The following EXTL2 variants were observed in gnomAD, a reference collection of about 807,000 sequenced individuals.
EXTL2 encodes exostosin-like 2.
In EXTL2, 23 loss-of-function variants were observed where a neutral mutation model predicts 30.7. The ratio of observed to expected loss-of-function variants is 0.75; its 90% CI spans 0.54 to 1.06. EXTL2 has a LOEUF of 1.06. Ranked by LOEUF, EXTL2 falls within the 50% of genes least tolerant of loss-of-function variation. The pLI is 0.00. For missense variants in EXTL2, 352 were observed against 396.3 expected, an observed-to-expected ratio of 0.89 and a Z score of 0.95; for synonymous variants, 123 against 133.8, an observed-to-expected ratio of 0.92 and a Z score of 0.56.
chr1:100,887,945 C>T (rs1350047808), intron 2 of EXTL2, among the ~76,000 whole-genome samples: 2 of 151,984 alleles, frequency 1.3e-5, no homozygotes, highest in Non-Finnish European at 2.9e-5. Flanking sequence ...GTGATCCGCC[C>T]GCTTTGGCCT....
chr1:100,884,059 C>T (rs1649772638), intron 2 of EXTL2, among the ~76,000 whole-genome samples: 1 of 152,136 alleles, frequency 6.6e-6, no homozygotes, highest in Non-Finnish European at 1.5e-5. Context: ...AGGCTAGTTC[C>T]TTCAGACTGG....
intron 2 of EXTL2, among the ~76,000 whole-genome samples, chr1:100,882,320 T>C (rs986680072): frequency 6.6e-6 from 1 of 152,354 alleles, no homozygotes; most frequent in South Asian, 2.1e-4. Context: ...CTAAATATCC[T>C]GCGATGCACA....
chr1:100,889,710 G>A (rs143963916), intron 1 of EXTL2, among the ~76,000 whole-genome samples: 102 of 152,338 alleles, frequency 6.7e-4, no homozygotes, highest in African/African-American at 2.4e-3. Context: ...GAAATCCAGT[G>A]GGGCGGTCAT....
chr1:100,883,588 T>C (rs1291880045), intron 2 of EXTL2, among the ~76,000 whole-genome samples: 1 of 152,250 alleles, frequency 6.6e-6, no homozygotes, highest in Admixed American at 6.5e-5. Flanking sequence ...GTACCTCATT[T>C]TTTTTGTTGC....
chr1:100,876,679 T>C, intron 4 of EXTL2, 115 bp downstream of exon 4: 1 of 643,610 alleles, frequency 1.6e-6, no homozygotes. Flanking sequence ...ATCCATCTTT[T>C]AGATAAATAT....
chr1:100,877,830 G>A lies in EXTL2; in HGVS notation c.79C>T (p.Leu27Phe), dbSNP rs774090115. 3.7e-6 allele frequency: 6 copies of A among 1,603,210 alleles called. No homozygotes were observed. In the Admixed American group the frequency reaches 6.7e-5, roughly 18 times the overall value. Residue 27 changes from leucine (L) to phenylalanine (F), a missense_variant, in exon 3 of 5, where the codon CTC (leucine) becomes TTC (phenylalanine). Coordinates refer to ENST00000370114, the MANE Select transcript of EXTL2 (RefSeq NM_001033025.3). The surrounding 1 kb of genome is among the most constrained non-coding windows in gnomAD (Gnocchi z 4.1). ...RVLRLSLVVILVLLLVAGALT... is the reference protein window; with the variant it reads ...RVLRLSLVVIFVLLLVAGALT... ...GCACCAGCTACCAGTAATAATACGAGGATGACCACCAAAGATAATCGAAGC... is the reference window on the plus strand; with the variant it reads ...GCACCAGCTACCAGTAATAATACGAAGATGACCACCAAAGATAATCGAAGC...
rs373517839 is a variant in EXTL2 at position 100,877,954 on chromosome 1, C to G, written c.6-51G>C. The G allele has an allele frequency of 7.2e-7, 1 of 1,383,884 alleles. No homozygotes were observed. The highest frequency in any genetic ancestry group is 9.8e-7 in the Non-Finnish European group (1 of 1,020,222). The allele number at this position is 1,383,884 out of a possible 1,614,324, so 85.7% of individuals were successfully genotyped here. A position where few individuals can be genotyped will look rare whatever the true frequency, so the allele number is the denominator to read the frequency against. The stretch of plus-strand genomic sequence containing the variant: ...CAAATGTTAGCATTCTTACGAGTCC[C>G]TGTGTTTTCATGTTTTTTTCCAATG... On this transcript the variant is annotated intron_variant, in intron 2 of 4. Transcript: ENST00000370114. The surrounding 1 kb of genome is among the most constrained non-coding windows in gnomAD (Gnocchi z 4.1).
intron 1 of EXTL2, among the ~76,000 whole-genome samples, chr1:100,890,640 C>G (rs1375083785): frequency 6.6e-6 from 1 of 152,204 alleles, no homozygotes; most frequent in Non-Finnish European, 1.5e-5. Context: ...CAAAATGCCA[C>G]CAGCCTCTTT....
chr1:100,877,879 AG>A lies in EXTL2; in HGVS notation c.29del (p.Pro10LeufsTer4). 1 of 1,598,356 alleles carries A rather than the reference AG, an allele frequency of 6.3e-7. No individual in the cohort carries two copies. Among genetic ancestry groups the A allele is most frequent in the Non-Finnish European group, 8.5e-7 (1 of 1,178,882 alleles). ...GCACTCGAATCCCCATTACTCTCCCAGGAAGTTTGCAGATGTGGCAACACCT... is the reference window on the plus strand; with the variant it reads ...GCACTCGAATCCCCATTACTCTCCCAGAAGTTTGCAGATGTGGCAACACCT... The part of the protein sequence containing the change: MRCCHICKL[P>X]GRVMGIRVLR... On this transcript the variant is annotated frameshift_variant, in exon 3 of 5. Coordinates refer to ENST00000370114, the MANE Select transcript of EXTL2 (RefSeq NM_001033025.3). LOFTEE classifies it high-confidence loss of function. This position sits in a 1 kb window ranked among gnomAD's most constrained non-coding sequence, Gnocchi z 4.1.
chr1:100,878,246 A>AC, intron 2 of EXTL2: 1 of 321,792 alleles, frequency 3.1e-6, no homozygotes, highest in Non-Finnish European at 6.1e-6. Flanking sequence ...GTAATATATT[A>AC]ATTTCGAATC....
At chr1:100,888,699 T>A in intron 2 of EXTL2, 54 bp downstream of exon 2, 1 of 961,794 alleles carries the variant, frequency 1.0e-6, no homozygotes. Context: ...ATAAATTTTG[T>A]GTTATACGTA....
chr1:100,892,939 T>C (rs1650549421), intron 1 of EXTL2, among the ~76,000 whole-genome samples: 1 of 152,194 alleles, frequency 6.6e-6, no homozygotes, highest in Admixed American at 6.5e-5. Context: ...ATAGCATCTT[T>C]CCTATTCCTT....
At chr1:100,876,662 C>T (rs1460545244) in intron 4 of EXTL2, 132 bp downstream of exon 4, 2 of 577,092 alleles carry the variant, frequency 3.5e-6, no homozygotes, top group East Asian at 2.9e-5. Context: ...TAGCCTATAA[C>T]AAATTCATCC....
chr1:100,874,123 T>C lies in EXTL2; in HGVS notation c.812A>G (p.Asn271Ser), dbSNP rs1367771924. The C allele has an allele frequency of 1.9e-6, 3 of 1,612,966 alleles. No individual in the cohort carries two copies. Among genetic ancestry groups the C allele is most frequent in the African/African-American group, 1.3e-5 (1 of 74,868 alleles). The change falls in exon 5 of 5, where the codon AAT (asparagine) becomes AGT (serine). Residue 271 changes from asparagine (N) to serine (S), a missense_variant. Physicochemically the swap from Asn to Ser is conservative, Grantham distance 46 (BLOSUM62 1). Coordinates refer to ENST00000370114, the MANE Select transcript of EXTL2 (RefSeq NM_001033025.3). ...GIFVKPVNMD[N>S]LEKETNSGYS... The stretch of plus-strand genomic sequence containing the variant: ...GCCACTGTTGGTTTCTTTTTCCAAA[T>C]TGTCCATGTTTACAGGCTTCACAAA...
intron 1 of EXTL2, among the ~76,000 whole-genome samples, chr1:100,892,705 T>C (rs1650525821): frequency 6.6e-6 from 1 of 152,232 alleles, no homozygotes; most frequent in Non-Finnish European, 1.5e-5. Flanking sequence ...CTATCTAATG[T>C]TACACATTTG....
Position 100,877,723 on chromosome 1 carries a change from G to A in EXTL2, c.186C>T (p.Thr62=). The part of the protein sequence containing the change: ...RREIKSQGKS[T]MDSFTLIMQT... ...GCATTATGAGAGTAAAGGAGTCCAT[G>A]GTGGACTTGCCCTGGGATTTTATTT... Residue 62 remains threonine (T), a synonymous_variant, in exon 3 of 5, where the codon ACC becomes ACT. Coordinates refer to ENST00000370114, the MANE Select transcript of EXTL2 (RefSeq NM_001033025.3). This position sits in a 1 kb window ranked among gnomAD's most constrained non-coding sequence, Gnocchi z 4.1. The A allele has an allele frequency of 1.2e-6, 2 of 1,613,500 alleles. No individual in the cohort carries two copies. Among genetic ancestry groups the A allele is most frequent in the Non-Finnish European group, 1.7e-6 (2 of 1,179,630 alleles).
intron 2 of EXTL2, among the ~76,000 whole-genome samples, chr1:100,879,044 T>C (rs1227149760): frequency 2.0e-5 from 3 of 152,150 alleles, no homozygotes; most frequent in African/African-American, 7.2e-5. Context: ...AAGTACAGTC[T>C]AGCTATCCAC....
rs1452432262 is a variant in EXTL2 at position 100,879,165 on chromosome 1, C to A, written c.6-1262G>T. The stretch of plus-strand genomic sequence containing the variant: ...TATTCCCTGGATTCCAATAACATTT[C>A]ATTTCCATGCTTGCTGACTCCTGCT... On this transcript the variant is annotated intron_variant, in intron 2 of 4. Coordinates refer to ENST00000370114, the MANE Select transcript of EXTL2 (RefSeq NM_001033025.3). Among the ~76,000 whole-genome samples, 3 of 152,146 alleles carry A rather than the reference C, an allele frequency of 2.0e-5. 1 individual carries two copies. Among genetic ancestry groups the A allele is most frequent in the Non-Finnish European group, 2.9e-5 (2 of 68,018 alleles).
chr1:100,873,868 T>A lies in EXTL2; in HGVS notation c.*74A>T. On this transcript the variant is annotated 3_prime_UTR_variant, in exon 5 of 5. Transcript: ENST00000370114. The stretch of plus-strand genomic sequence containing the variant: ...AGTAGATAAAATTCATGATGTTGCT[T>A]AAAAAAATACATAGCATGGAGAAGC... The A allele has an allele frequency of 6.9e-7, 1 of 1,450,570 alleles. No individual in the cohort carries two copies. Among genetic ancestry groups the A allele is most frequent in the Non-Finnish European group, 9.2e-7 (1 of 1,081,818 alleles). The allele number at this position is 1,450,570 out of a possible 1,614,324, so 89.9% of individuals were successfully genotyped here. A position where few individuals can be genotyped will look rare whatever the true frequency, so the allele number is the denominator to read the frequency against.
Sources: gnomAD v4.1 joint callset for allele counts (sites outside exome capture counted in the v4.1 genomes callset) on GRCh38, gnomAD v4.1.1 for gene constraint, Gnocchi (gnomAD v3.1) non-coding constraint, MANE v1.5 for transcripts, NCBI Gene and HGNC (gene_info 2026-07-23, HGNC 2026-07-21) for gene names.